The following KCNAB1 variants were observed in gnomAD, a reference collection of about 807,000 sequenced individuals.
The protein encoded by KCNAB1 is voltage-gated potassium channel subunit beta-1.
In KCNAB1, 35 loss-of-function variants were observed where a neutral mutation model predicts 64.6. The ratio of observed to expected loss-of-function variants is 0.54; its 90% CI spans 0.41 to 0.72. KCNAB1 has a LOEUF of 0.72. KCNAB1 is among the 30% of genes least tolerant of loss of function. The pLI, the probability that KCNAB1 is intolerant of heterozygous loss-of-function variation, is 0.00. For missense variants in KCNAB1, 401 were observed against 512.9 expected (o/e 0.78, Z 2.11); for synonymous variants, 177 against 183.8 (o/e 0.96, Z 0.30).
At chr3:156,310,126 G>T (rs1343176680) in intron 1 of KCNAB1, among the ~76,000 whole-genome samples, 1 of 152,184 alleles carries the variant, frequency 6.6e-6, no homozygotes, top group African/African-American at 2.4e-5. Context: ...TCTTTGTGCA[G>T]TAGTGCAGTG....
chr3:156,524,638 T>TC (rs1718178710), intron 12 of KCNAB1, among the ~76,000 whole-genome samples: 1 of 149,824 alleles, frequency 6.7e-6, no homozygotes, highest in Non-Finnish European at 1.5e-5. Flanking sequence ...TCCCAGCTAC[T>TC]TGGGAGGCTG....
At chr3:156,291,196 G>A in intron 1 of KCNAB1, 1 of 985,838 alleles carries the variant, frequency 1.0e-6, no homozygotes, top group Non-Finnish European at 1.2e-6. Flanking sequence ...GGACCTGCCT[G>A]CTCCTCCGTG....
chr3:156,205,039 G>A (rs1372408841), intron 1 of KCNAB1, among the ~76,000 whole-genome samples: 1 of 151,970 alleles, frequency 6.6e-6, no homozygotes, highest in Non-Finnish European at 1.5e-5. Flanking sequence ...AAATACCTTG[G>A]CAATTGATAA....
chr3:156,336,082 A>G (rs1723689521), intron 1 of KCNAB1, among the ~76,000 whole-genome samples: 1 of 152,198 alleles, frequency 6.6e-6, no homozygotes. Context: ...GTAACAGGCC[A>G]GGCGTGATGG....
chr3:156,495,198 G>A lies in KCNAB1; in HGVS notation c.659-19166G>A, dbSNP rs187836028. Among the ~76,000 whole-genome samples the A allele has an allele frequency of 1.6e-4, 24 of 152,186 alleles. 1 individual carries two copies. In the South Asian group the frequency reaches 5.0e-3, roughly 32 times the overall value. On this transcript the variant is annotated intron_variant, in intron 8 of 13. Coordinates refer to ENST00000490337, the MANE Select transcript of KCNAB1 (RefSeq NM_172160.3). Reference sequence around the variant, plus strand: ...CCATCCATGTCCCTGCAAAGAACATGATCTCATTCCTTTTTGTGGCTGTAT... The same window carrying A: ...CCATCCATGTCCCTGCAAAGAACATAATCTCATTCCTTTTTGTGGCTGTAT...
intron 1 of KCNAB1, among the ~76,000 whole-genome samples, chr3:156,338,303 CTTTTTTTTTT>C (rs34671816): frequency 3.5e-4 from 14 of 39,498 alleles, no homozygotes; most frequent in South Asian, 1.2e-3. Flanking sequence ...GGCATTTGCA[CTTTTTTTTTT>C]TTTTTTTTTT....
intron 1 of KCNAB1, among the ~76,000 whole-genome samples, chr3:156,122,882 G>T (rs1028290707): frequency 1.3e-5 from 2 of 152,168 alleles, no homozygotes; most frequent in South Asian, 4.2e-4. Context: ...TTTTCTCATC[G>T]CCAGCAACTT....
In KCNAB1 at chr3:156,256,605, G is replaced by A. The variant is rs777549883; in HGVS notation, c.275+135719G>A. Among the ~76,000 whole-genome samples the A allele has an allele frequency of 2.0e-5, 3 of 152,354 alleles. No individual in the cohort carries two copies. The East Asian group carries it at 5.8e-4, about 29-fold the overall frequency. ...TTATGCTAAAAGCAGCGTTGAATCA[G>A]CCCATTCCACTGAAGACTTACCAGT... On this transcript the variant is annotated intron_variant, in intron 1 of 13. Coordinates refer to ENST00000490337, the MANE Select transcript of KCNAB1 (RefSeq NM_172160.3).
intron 1 of KCNAB1, among the ~76,000 whole-genome samples, chr3:156,269,652 T>C (rs1414207290): frequency 6.6e-6 from 1 of 152,196 alleles, no homozygotes; most frequent in Admixed American, 6.5e-5. Context: ...ATCTGGGTGC[T>C]CCAGTGTTGG....
chr3:156,270,861 T>C (rs1014005345), intron 1 of KCNAB1, among the ~76,000 whole-genome samples: 4 of 152,216 alleles, frequency 2.6e-5, no homozygotes, highest in African/African-American at 9.6e-5. Flanking sequence ...GCATTTCTCG[T>C]GGGACAGGAC....
chr3:156,133,922 A>G (rs1457154280), intron 1 of KCNAB1, among the ~76,000 whole-genome samples: 1 of 150,640 alleles, frequency 6.6e-6, no homozygotes, highest in African/African-American at 2.4e-5. Flanking sequence ...TTTTTTTTTT[A>G]GGCTAACCCA....
chr3:156,407,962 G>A (rs1384177880), intron 1 of KCNAB1, among the ~76,000 whole-genome samples: 1 of 152,156 alleles, frequency 6.6e-6, no homozygotes, highest in Non-Finnish European at 1.5e-5. Flanking sequence ...GAGGGCTGAT[G>A]GGGAAAGGAC....
At chr3:156,311,752 A>G (rs1201199597) in intron 1 of KCNAB1, among the ~76,000 whole-genome samples, 2 of 152,188 alleles carry the variant, frequency 1.3e-5, no homozygotes, top group African/African-American at 2.4e-5. Flanking sequence ...CTCCTTAGGA[A>G]GTTATTCCAA....
chr3:156,476,564 T>TAC lies in KCNAB1; in HGVS notation c.658+1758_658+1759dup, dbSNP rs71141710. On this transcript the variant is annotated intron_variant, in intron 8 of 13. Coordinates refer to ENST00000490337, the MANE Select transcript of KCNAB1 (RefSeq NM_172160.3). ...ACACACACGCACACACACACACATA[T>TAC]ACACACACACACACATATATACACA... 1.0e-4 allele frequency among the ~76,000 whole-genome samples: 15 copies of TAC among 149,844 alleles called. No individual in the cohort carries two copies. In the East Asian group the frequency reaches 1.6e-3, roughly 16 times the overall value.
At chr3:156,337,792 A>G (rs1723813581) in intron 1 of KCNAB1, among the ~76,000 whole-genome samples, 9 of 152,208 alleles carry the variant, frequency 5.9e-5, no homozygotes, top group Admixed American at 5.9e-4. Flanking sequence ...TCCCTACCTG[A>G]AAAAATGATT....
chr3:156,160,748 G>T (rs566310590), intron 1 of KCNAB1, among the ~76,000 whole-genome samples: 1 of 152,358 alleles, frequency 6.6e-6, no homozygotes, highest in African/African-American at 2.4e-5. Flanking sequence ...TGGATCAAGA[G>T]ACATTGGGGA....
chr3:156,522,294 G>A (rs905841212), intron 11 of KCNAB1, among the ~76,000 whole-genome samples: 1 of 152,012 alleles, frequency 6.6e-6, no homozygotes, highest in African/African-American at 2.4e-5. Flanking sequence ...TGAAACTTTA[G>A]TGAGGATTGG....
chr3:156,185,033 G>A (rs1387668612), intron 1 of KCNAB1, among the ~76,000 whole-genome samples: 6 of 152,182 alleles, frequency 3.9e-5, no homozygotes, highest in African/African-American at 1.4e-4. Flanking sequence ...GAGAGGGTAG[G>A]TGTAAAGCTC....
intron 1 of KCNAB1, among the ~76,000 whole-genome samples, chr3:156,402,674 C>T (rs935231135): frequency 6.6e-6 from 1 of 152,168 alleles, no homozygotes; most frequent in Non-Finnish European, 1.5e-5. Flanking sequence ...TCCATATTAG[C>T]TTACCTCTGG....
Sources: allele counts gnomAD v4.1 joint callset (sites outside exome capture counted in the v4.1 genomes callset), GRCh38; gene constraint gnomAD v4.1.1; transcripts MANE v1.5; gene names NCBI Gene and HGNC (gene_info 2026-07-23, HGNC 2026-07-21).